COL23A1: variants seen among roughly 807,000 people sequenced by gnomAD.
The protein encoded by COL23A1 is collagen alpha-1(XXIII) chain.
In COL23A1, 97 loss-of-function variants were observed where a neutral mutation model predicts 99.3. That is an observed-to-expected ratio of 0.98 (90% CI 0.83 to 1.16). COL23A1 has a LOEUF of 1.16. COL23A1 is among the 50% of genes most tolerant of loss of function. COL23A1 has a pLI of 0.00. For synonymous variants in COL23A1, 320 were observed against 308.2 expected (o/e 1.04, Z -0.40); for missense variants, 762 against 757.4 (o/e 1.01, Z -0.07).
intron 26 of COL23A1, 58 bp from the exon 27 acceptor site, chr5:178,242,186 A>G: frequency 1.3e-6 from 2 of 1,500,014 alleles, no homozygotes; most frequent in Non-Finnish European, 1.8e-6. Context: ...GGAACCTCCA[A>G]CATCTCTCCG....
chr5:178,555,428 C>T (rs554360614), intron 2 of COL23A1, among the ~76,000 whole-genome samples: 11 of 152,086 alleles, frequency 7.2e-5, no homozygotes, highest in African/African-American at 1.2e-4. Context: ...GCTATACTGG[C>T]GGCCACCTTC....
At chr5:178,337,944 C>T (rs1008115127) in intron 2 of COL23A1, among the ~76,000 whole-genome samples, 1 of 152,012 alleles carries the variant, frequency 6.6e-6, no homozygotes, top group African/African-American at 2.4e-5. Context: ...GGAGCAGTGA[C>T]CTCATGCCAG....
chr5:178,370,605 T>C (rs955168863), intron 2 of COL23A1, among the ~76,000 whole-genome samples: 1 of 152,070 alleles, frequency 6.6e-6, no homozygotes, highest in Non-Finnish European at 1.5e-5. Context: ...TGGCTCACCT[T>C]TGTAATCCCA....
intron 2 of COL23A1, among the ~76,000 whole-genome samples, chr5:178,389,012 G>A (rs1763816382): frequency 6.6e-6 from 1 of 152,120 alleles, no homozygotes; most frequent in African/African-American, 2.4e-5. Context: ...CTGATTTGGG[G>A]ATCACTAACT....
chr5:178,551,129 A>T (rs1039698119), intron 2 of COL23A1, among the ~76,000 whole-genome samples: 4 of 148,590 alleles, frequency 2.7e-5, no homozygotes, highest in Non-Finnish European at 4.5e-5. Flanking sequence ...TAGTAATTTT[A>T]AAATATATAT....
chr5:178,530,302 A>G (rs1760571412), intron 2 of COL23A1, among the ~76,000 whole-genome samples: 1 of 152,168 alleles, frequency 6.6e-6, no homozygotes, highest in East Asian at 1.9e-4. Context: ...CTCTGCTAAA[A>G]ATAAAAAAGA....
intron 25 of COL23A1, among the ~76,000 whole-genome samples, chr5:178,243,273 A>C (rs993883172): frequency 5.9e-5 from 9 of 151,972 alleles, no homozygotes; most frequent in African/African-American, 2.2e-4. Flanking sequence ...AGATTGCTTG[A>C]GCTCAGGAGT....
rs553748208 is a variant in COL23A1, at chr5:178,246,510, A to G, written c.1297-57T>C. ...GAAGGGGTTAGACAGACAGTAGGAC[A>G]GGCAAGCTTGGAGACTGCAAGGGAG... On this transcript the variant is annotated intron_variant, in intron 22 of 28. Transcript: ENST00000390654. 5.9e-6 allele frequency: 9 copies of G among 1,525,230 alleles called. No individual in the cohort carries two copies. The East Asian group carries it at 2.2e-4, about 37-fold the overall frequency. The allele number at this position is 1,525,230 out of a possible 1,614,324, so 94.5% of individuals were successfully genotyped here.
rs1398580837 is a variant in COL23A1 at position 178,308,071 on chromosome 5, GTGTGTCTGTGTTTT to G, written c.362-1166_362-1153del. The stretch of plus-strand genomic sequence containing the variant: ...TATGTATGTGTGTTTGTGTGCATGT[GTGTGTCTGTGTTTT>G]TGTGTCTGTGTTTCTGTGTGTGTGT... On this transcript the variant is annotated intron_variant, in intron 2 of 28. Transcript: ENST00000390654. This position sits in a 1 kb window ranked among gnomAD's most constrained non-coding sequence, Gnocchi z 5.1. Among the ~76,000 whole-genome samples the G allele has an allele frequency of 3.3e-5, 5 of 151,718 alleles. No individual in the cohort carries two copies. In the South Asian group the frequency reaches 8.3e-4, roughly 25 times the overall value.
chr5:178,281,096 C>T lies in COL23A1; in HGVS notation c.441+7228G>A, dbSNP rs1756874062. On this transcript the variant is annotated intron_variant, in intron 5 of 28. Transcript: ENST00000390654. The surrounding 1 kb of genome is among the most constrained non-coding windows in gnomAD (Gnocchi z 4.0). ...CCAGTCTGCGTGCCATTATCAGGGA[C>T]TCCGGAGTCGGCTTTCATCCGGTCT... 6.6e-6 allele frequency among the ~76,000 whole-genome samples: 1 copy of T among 152,166 alleles called. No homozygotes were observed. The highest frequency in any genetic ancestry group is 2.4e-5 in the African/African-American group (1 of 41,418).
intron 16 of COL23A1, 39 bp from the exon 17 acceptor site, chr5:178,252,636 G>A (rs1479260080): frequency 5.7e-6 from 9 of 1,571,608 alleles, no homozygotes; most frequent in Non-Finnish European, 7.8e-6. Context: ...TCATGGGTTA[G>A]GCAGGGCCTC....
At chr5:178,355,051 T>G (rs1761559430) in intron 2 of COL23A1, among the ~76,000 whole-genome samples, 1 of 134,404 alleles carries the variant, frequency 7.4e-6, no homozygotes, top group Non-Finnish European at 1.6e-5. Context: ...GGTGAGACTT[T>G]GTCTCAAAAA....
At chr5:178,290,432 C>G in intron 3 of COL23A1, 63 bp from the exon 4 acceptor site, 10 of 1,611,352 alleles carry the variant, frequency 6.2e-6, no homozygotes, top group Non-Finnish European at 7.6e-6. Context: ...CGCCTGTCCT[C>G]AGCACGGTCC....
At chr5:178,342,247 G>A (rs994605252) in intron 2 of COL23A1, among the ~76,000 whole-genome samples, 14 of 152,220 alleles carry the variant, frequency 9.2e-5, no homozygotes, top group Non-Finnish European at 1.8e-4. Context: ...GCAGGTCTGG[G>A]ATGGGGACTG....
chr5:178,474,501 T>A lies in COL23A1; in HGVS notation c.361+86181A>T, dbSNP rs200152402. Among the ~76,000 whole-genome samples, 3 of 146,224 alleles carry A rather than the reference T, an allele frequency of 2.1e-5. No individual in the cohort carries two copies. The East Asian group carries it at 6.1e-4, about 30-fold the overall frequency. Reference sequence around the variant, plus strand: ...AAATATTTCTTCCTAAAACACAGTATCTTCTCTCTCCTTGTGAGATGTCAA... The same window carrying A: ...AAATATTTCTTCCTAAAACACAGTAACTTCTCTCTCCTTGTGAGATGTCAA... On this transcript the variant is annotated intron_variant, in intron 2 of 28. Transcript: ENST00000390654.
At chr5:178,496,229 G>A (rs562423268) in intron 2 of COL23A1, among the ~76,000 whole-genome samples, 85 of 152,238 alleles carry the variant, frequency 5.6e-4, no homozygotes, top group African/African-American at 2.0e-3. Context: ...TCAACTCTCT[G>A]GGGAAATGTC....
chr5:178,266,385 ATG>A (rs371796052), intron 8 of COL23A1, among the ~76,000 whole-genome samples: 2 of 151,652 alleles, frequency 1.3e-5, no homozygotes, highest in East Asian at 1.9e-4. Flanking sequence ...GTGTGCGCAT[ATG>A]TGTGTGTGTG....
At chr5:178,249,006 C>G in intron 19 of COL23A1, 111 bp downstream of exon 19, 2 of 1,076,968 alleles carry the variant, frequency 1.9e-6, no homozygotes, top group Non-Finnish European at 2.8e-6. Flanking sequence ...GCACTGAGAC[C>G]GCAGGGGCTG....
intron 2 of COL23A1, among the ~76,000 whole-genome samples, chr5:178,403,526 C>T (rs376653996): frequency 5.3e-5 from 8 of 152,340 alleles, no homozygotes; most frequent in Admixed American, 3.3e-4. Context: ...GCAGAGGCCC[C>T]GGTGCCTGGC....
Sources: allele counts gnomAD v4.1 joint callset (sites outside exome capture counted in the v4.1 genomes callset), GRCh38; gene constraint gnomAD v4.1.1; non-coding constraint Gnocchi (gnomAD v3.1); transcripts MANE v1.5; gene names NCBI Gene and HGNC (gene_info 2026-07-23, HGNC 2026-07-21).